The following PTCD2 variants were observed in gnomAD, a reference collection of about 807,000 sequenced individuals.
PTCD2 encodes the protein pentatricopeptide repeat domain 2.
In PTCD2, 31 loss-of-function variants were observed where a neutral mutation model predicts 42.6. The ratio of observed to expected loss-of-function variants is 0.73; its 90% CI spans 0.55 to 0.98. The LOEUF (loss-of-function observed/expected upper bound fraction) is 0.98. Ranked by LOEUF, PTCD2 falls within the 50% of genes least tolerant of loss-of-function variation. PTCD2 has a pLI of 0.00. For synonymous variants in PTCD2, 183 were observed against 170.9 expected (o/e 1.07, Z -0.55); for missense variants, 476 against 454.8 (o/e 1.05, Z -0.42).
At chr5:72,355,421 A>T (rs1752826396) in intron 9 of PTCD2, among the ~76,000 whole-genome samples, 1 of 152,194 alleles carries the variant, frequency 6.6e-6, no homozygotes, top group Non-Finnish European at 1.5e-5. Flanking sequence ...ATTATTTTTT[A>T]AATTTAATTT....
In PTCD2 at chr5:72,362,153, C is replaced by G. The variant is rs1294793463; in HGVS notation, c.*3726C>G. Reference sequence around the variant, plus strand: ...AGCTTTTCGTCTCTAATACCATACACTCAGTGCAGGGTCTGAATGTCCCCC... The same window carrying G: ...AGCTTTTCGTCTCTAATACCATACAGTCAGTGCAGGGTCTGAATGTCCCCC... On this transcript the variant is annotated 3_prime_UTR_variant, in exon 10 of 10. Coordinates refer to ENST00000380639, the MANE Select transcript of PTCD2 (RefSeq NM_024754.5). The G allele has an allele frequency of 6.6e-6, 1 of 152,214 alleles. No individual in the cohort carries two copies. Among genetic ancestry groups the G allele is most frequent in the Non-Finnish European group, 1.5e-5 (1 of 68,070 alleles). The allele number at this position is 152,214 out of a possible 1,614,324, so 9.4% of individuals were successfully genotyped here.
At chr5:72,326,214 GTGTC>G (rs1435769205) in intron 2 of PTCD2, among the ~76,000 whole-genome samples, 3 of 152,168 alleles carry the variant, frequency 2.0e-5, no homozygotes, top group Non-Finnish European at 4.4e-5. Context: ...GACGGTTTGG[GTGTC>G]TGGCTACATT....
chr5:72,321,601 A>T (rs1750850791), intron 1 of PTCD2, among the ~76,000 whole-genome samples: 1 of 152,196 alleles, frequency 6.6e-6, no homozygotes, highest in Non-Finnish European at 1.5e-5. Flanking sequence ...ATCCTAAAGA[A>T]AGGATGATGT....
At position 72,360,209 on chromosome 5, in the gene PTCD2, C is replaced by T. The variant is rs1200871462; in HGVS notation, c.*1782C>T. On this transcript the variant is annotated 3_prime_UTR_variant, in exon 10 of 10. Transcript: ENST00000380639. ...GTATGTGTCTGGTGTTTTGCACATGCAAAAAAAAAAAAAAAAGTGCTTGGA... is the reference window on the plus strand; with the variant it reads ...GTATGTGTCTGGTGTTTTGCACATGTAAAAAAAAAAAAAAAAGTGCTTGGA... 9.0e-6 allele frequency: 1 copy of T among 111,170 alleles called. No homozygotes were observed. Among genetic ancestry groups the T allele is most frequent in the African/African-American group, 3.3e-5 (1 of 30,604 alleles). 6.9% of individuals were successfully genotyped at this position (111,170 alleles called of 1,614,324 possible). A position where few individuals can be genotyped will look rare whatever the true frequency, so the allele number is the denominator to read the frequency against.
chr5:72,368,011 G>A lies in PTCD2; in HGVS notation c.*9584G>A, dbSNP rs1753240473. ...AAATATCAAATTCAGTGGGCCATGAGTCTTGCCCAAAAGTATAAATCTTTT... is the reference window on the plus strand; with the variant it reads ...AAATATCAAATTCAGTGGGCCATGAATCTTGCCCAAAAGTATAAATCTTTT... On this transcript the variant is annotated 3_prime_UTR_variant, in exon 10 of 10. Coordinates refer to ENST00000380639, the MANE Select transcript of PTCD2 (RefSeq NM_024754.5). 1 of 152,190 alleles carries A rather than the reference G, an allele frequency of 6.6e-6. No individual in the cohort carries two copies. The highest frequency in any genetic ancestry group is 2.4e-5 in the African/African-American group (1 of 41,440). The allele number at this position is 152,190 out of a possible 1,614,324, so 9.4% of individuals were successfully genotyped here. A position where few individuals can be genotyped will look rare whatever the true frequency, so the allele number is the denominator to read the frequency against.
Position 72,363,198 on chromosome 5 carries a change from C to T in PTCD2, c.*4771C>T, listed in dbSNP as rs1434389776. ...TTGAGGTAAATGTTCAATCTTTTTG[C>T]GTATCTTCCTCCTACCTTTTCATAG... On this transcript the variant is annotated 3_prime_UTR_variant, in exon 10 of 10. Coordinates refer to ENST00000380639, the MANE Select transcript of PTCD2 (RefSeq NM_024754.5). 1.3e-5 allele frequency: 2 copies of T among 152,148 alleles called. No individual in the cohort carries two copies. The highest frequency in any genetic ancestry group is 2.4e-5 in the African/African-American group (1 of 41,426). 9.4% of individuals were successfully genotyped at this position (152,148 alleles called of 1,614,324 possible).
chr5:72,361,662 C>A lies in PTCD2; in HGVS notation c.*3235C>A, dbSNP rs554584078. 1.3e-5 allele frequency: 2 copies of A among 152,140 alleles called. No homozygotes were observed. Among genetic ancestry groups the A allele is most frequent in the Admixed American group, 1.3e-4 (2 of 15,278 alleles). 9.4% of individuals were successfully genotyped at this position (152,140 alleles called of 1,614,324 possible). ...ACTGTAGTAGATAGTCTGTTTTCTC[C>A]CCTGTTTAAAACCTCCTGAGGACCT... On this transcript the variant is annotated 3_prime_UTR_variant, in exon 10 of 10. Coordinates refer to ENST00000380639, the MANE Select transcript of PTCD2 (RefSeq NM_024754.5).
At chr5:72,338,453 A>G (rs1751871736) in intron 6 of PTCD2, among the ~76,000 whole-genome samples, 169 bp from the exon 7 acceptor site, 1 of 152,258 alleles carries the variant, frequency 6.6e-6, no homozygotes, top group Non-Finnish European at 1.5e-5. Flanking sequence ...GCCTATCAGT[A>G]GCCTGGTGTA....
chr5:72,331,992 A>G (rs1751463631), intron 4 of PTCD2, among the ~76,000 whole-genome samples: 1 of 152,108 alleles, frequency 6.6e-6, no homozygotes, highest in Non-Finnish European at 1.5e-5. Flanking sequence ...AGACATTATA[A>G]ATTCATTCAT....
rs994926585 is a variant in PTCD2, at chr5:72,358,527, G to C, written c.*100G>C. 6.1e-6 allele frequency: 5 copies of C among 823,930 alleles called. No homozygotes were observed. The Admixed American group carries it at 6.4e-5, about 11-fold the overall frequency. 51.0% of individuals were successfully genotyped at this position (823,930 alleles called of 1,614,324 possible). On this transcript the variant is annotated 3_prime_UTR_variant, in exon 10 of 10. Transcript: ENST00000380639. ...ATCGCACTTCAGCAGACAGTGTGCT[G>C]ACACTTGGTCTTCTCCTGAAATTCC...
At chr5:72,357,847 CTTT>C (rs67784172) in intron 9 of PTCD2, among the ~76,000 whole-genome samples, 1 of 144,036 alleles carries the variant, frequency 6.9e-6, no homozygotes, top group Non-Finnish European at 1.5e-5. Context: ...GTATACCATA[CTTT>C]TTTTTTTTTT....
At chr5:72,342,926 A>G (rs368822673) in intron 7 of PTCD2, 36 bp from the exon 8 acceptor site, 2 of 1,329,898 alleles carry the variant, frequency 1.5e-6, no homozygotes, top group Non-Finnish European at 2.1e-6. Context: ...ATTAGTTCCT[A>G]TGATATGGAA....
In PTCD2 at chr5:72,343,055, G is replaced by A; in HGVS notation, c.828+19G>A. The A allele has an allele frequency of 7.1e-7, 1 of 1,417,748 alleles. No homozygotes were observed. The allele number at this position is 1,417,748 out of a possible 1,614,324, so 87.8% of individuals were successfully genotyped here. ...TTTAAATGTAAGTGATTTCTTTATG[G>A]TTTAAGGTAAGCCTTGAAATGTATT... On this transcript the variant is annotated intron_variant, in intron 8 of 9. Transcript: ENST00000380639.
chr5:72,336,776 ACT>A (rs1352067039), intron 6 of PTCD2, among the ~76,000 whole-genome samples: 2 of 151,830 alleles, frequency 1.3e-5, no homozygotes. Context: ...GCCCATAGAA[ACT>A]CTTTCTTCAA....
At chr5:72,350,366 G>A (rs1752562965) in intron 8 of PTCD2, among the ~76,000 whole-genome samples, 1 of 152,236 alleles carries the variant, frequency 6.6e-6, no homozygotes, top group Non-Finnish European at 1.5e-5. Flanking sequence ...TTCCTGTGGG[G>A]AGACATGAAA....
intron 2 of PTCD2, among the ~76,000 whole-genome samples, chr5:72,323,336 G>A (rs1750961843): frequency 1.3e-5 from 2 of 152,078 alleles, no homozygotes; most frequent in African/African-American, 2.4e-5. Flanking sequence ...GTTATAAAAA[G>A]CTACAAACAA....
intron 8 of PTCD2, among the ~76,000 whole-genome samples, chr5:72,351,359 G>A (rs760418067): frequency 4.6e-5 from 7 of 152,132 alleles, no homozygotes; most frequent in South Asian, 2.1e-4. Context: ...AATAGATAGC[G>A]TAAATAGGAG....
At chr5:72,342,935 A>C in intron 7 of PTCD2, 27 bp from the exon 8 acceptor site, 1 of 1,425,458 alleles carries the variant, frequency 7.0e-7, no homozygotes, top group Non-Finnish European at 9.8e-7. Flanking sequence ...TATGATATGG[A>C]ATATGATTTG....
intron 8 of PTCD2, among the ~76,000 whole-genome samples, chr5:72,350,533 A>C (rs1311822082): frequency 6.6e-6 from 1 of 152,226 alleles, no homozygotes; most frequent in African/African-American, 2.4e-5. Context: ...TTGAAAAGAT[A>C]GTCTGGAATA....
Sources: gnomAD v4.1 joint callset for allele counts (sites outside exome capture counted in the v4.1 genomes callset) on GRCh38, gnomAD v4.1.1 for gene constraint, MANE v1.5 for transcripts, NCBI Gene and HGNC (gene_info 2026-07-23, HGNC 2026-07-21) for gene names.